Variants in KIR3DL1 observed in about 807,000 individuals in gnomAD.
KIR3DL1 encodes killer cell immunoglobulin like receptor, three Ig domains and long cytoplasmic tail 1, also known as killer cell immunoglobulin-like receptor 3DL1.
A neutral mutation model predicts 40.3 loss-of-function variants in KIR3DL1; 50 were observed. That is an observed-to-expected ratio of 1.24 (90% CI 0.99 to 1.57). The LOEUF (loss-of-function observed/expected upper bound fraction) is 1.57. Among genes scored for constraint, KIR3DL1 ranks in the 40% most tolerant of loss-of-function variants. The pLI is 0.00. For synonymous variants in KIR3DL1, 257 were observed against 207.2 expected (o/e 1.24, Z -2.07); for missense variants, 661 against 559.9 (o/e 1.18, Z -1.82).
rs768288884 is a variant in KIR3DL1 at position 54,817,577 on chromosome 19, C to A, written c.70+8C>A. On this transcript the variant is annotated splice_region_variant and intron_variant, in intron 2 of 8. Transcript: ENST00000391728. Reference sequence around the variant, plus strand: ...GGGCCGGTCCACACATGGGTGAGTCCTTCCCCAAACCTTAGGGTGTCATCT... The same window carrying A: ...GGGCCGGTCCACACATGGGTGAGTCATTCCCCAAACCTTAGGGTGTCATCT... 3.3e-6 allele frequency: 5 copies of A among 1,512,018 alleles called. No homozygotes were observed. The South Asian group carries it at 5.8e-5, about 17-fold the overall frequency. The allele number at this position is 1,512,018 out of a possible 1,614,324, so 93.7% of individuals were successfully genotyped here.
chr19:54,829,414 T>C, exon 7 of KIR3DL1: 1 of 1,504,844 alleles, frequency 6.6e-7, no homozygotes, highest in South Asian at 1.2e-5. Flanking sequence ...CATCATCCTC[T>C]TCATCCTCCT....
chr19:54,817,065 T>C (rs1240546500), intron 1 of KIR3DL1, among the ~76,000 whole-genome samples: 3 of 140,954 alleles, frequency 2.1e-5, no homozygotes, highest in Non-Finnish European at 4.6e-5. Context: ...AGTGGAGATA[T>C]GGGCCTGGGG....
At chr19:54,824,744 T>G (rs1423551277) in intron 5 of KIR3DL1, among the ~76,000 whole-genome samples, 1 of 149,932 alleles carries the variant, frequency 6.7e-6, no homozygotes, top group Non-Finnish European at 1.5e-5. Flanking sequence ...TTCTGTTTCA[T>G]TTTTTATGTG....
rs151145426 is a variant in KIR3DL1, at chr19:54,818,613, C to T, written c.355+14C>T. ...TCATGGTCACAGGTCAGAGGCTTTC[C>T]GTCTGGGCTTCTCACTGTCCCACCT... On this transcript the variant is annotated intron_variant, in intron 3 of 8. Transcript: ENST00000391728. 2.7e-3 allele frequency: 4,275 copies of T among 1,593,228 alleles called. 227 individuals are homozygous for T. The African/African-American group carries it at 0.049, about 18-fold the overall frequency.
At chr19:54,816,783 G>T (rs2061358398) in intron 1 of KIR3DL1, among the ~76,000 whole-genome samples, 1 of 122,314 alleles carries the variant, frequency 8.2e-6, no homozygotes, top group Admixed American at 8.1e-5. Context: ...TATGTGCCTG[G>T]GGTGGAGAGA....
At chr19:54,827,388 C>G (rs1419521647) in intron 6 of KIR3DL1, among the ~76,000 whole-genome samples, 2 of 150,316 alleles carry the variant, frequency 1.3e-5, no homozygotes, top group Non-Finnish European at 2.9e-5. Flanking sequence ...GTCAGGAGTT[C>G]GAGACCAGCC....
Position 54,827,832 on chromosome 19 carries a change from A to C in KIR3DL1, c.1001-1529A>C, listed in dbSNP as rs886844454. On this transcript the variant is annotated intron_variant, in intron 6 of 8. Coordinates refer to ENST00000391728, the Ensembl canonical transcript of KIR3DL1. ...AAAGCCCGCTGAATCCTCCAGCACA[A>C]ATCCTGGAATAGAGAAAGTGCTCTG... Among the ~76,000 whole-genome samples, 3 of 149,298 alleles carry C rather than the reference A, an allele frequency of 2.0e-5. No individual in the cohort carries two copies. In the East Asian group the frequency reaches 5.8e-4, roughly 29 times the overall value.
At chr19:54,827,034 A>T (rs1177964494) in intron 6 of KIR3DL1, among the ~76,000 whole-genome samples, 1 of 151,736 alleles carries the variant, frequency 6.6e-6, no homozygotes, top group Admixed American at 6.6e-5. Context: ...GGAATCTAGG[A>T]GACAGTGGAA....
intron 3 of KIR3DL1, 145 bp from the exon 4 acceptor site, chr19:54,819,567 CA>C: frequency 1.0e-6 from 1 of 972,286 alleles, no homozygotes; most frequent in Non-Finnish European, 1.5e-6. Context: ...GCACCTGCAC[CA>C]GGGGATATGG....
At position 54,820,898 on chromosome 19, in the gene KIR3DL1, G is replaced by C. The variant is rs1289319201; in HGVS notation, c.656-667G>C. ...AGAAAGACAAGGAGACGGAGAGAGA[G>C]AGATGATAGATGGATAGATAGACGT... On this transcript the variant is annotated intron_variant, in intron 4 of 8. Coordinates refer to ENST00000391728, the Ensembl canonical transcript of KIR3DL1. 1.7e-4 allele frequency among the ~76,000 whole-genome samples: 26 copies of C among 151,344 alleles called. No homozygotes were observed. In the South Asian group the frequency reaches 2.3e-3, roughly 14 times the overall value.
chr19:54,830,320 C>T (rs2062158740), exon 9 of KIR3DL1: 2 of 1,502,248 alleles, frequency 1.3e-6, no homozygotes, highest in African/African-American at 1.4e-5. Context: ...GAGACAACAG[C>T]CCTGTCTCAA....
chr19:54,828,748 T>G (rs1296791518), intron 6 of KIR3DL1, among the ~76,000 whole-genome samples: 1 of 146,412 alleles, frequency 6.8e-6, no homozygotes, highest in Non-Finnish European at 1.5e-5. Context: ...TTTGTTGCTC[T>G]AAAGGAACAC....
At chr19:54,822,421 T>G (rs1478617700) in intron 5 of KIR3DL1, among the ~76,000 whole-genome samples, 2 of 151,036 alleles carry the variant, frequency 1.3e-5, no homozygotes, top group Non-Finnish European at 2.9e-5. Flanking sequence ...GATCAGGAAC[T>G]CGAGATCACC....
At chr19:54,818,453 T>C in exon 3 of KIR3DL1, 1 of 1,608,046 alleles carries the variant, frequency 6.2e-7, no homozygotes, top group South Asian at 1.1e-5. Context: ...CACATTCCCA[T>C]CTTCCATGGC....
At chr19:54,817,692 GC>G in intron 2 of KIR3DL1, 123 bp downstream of exon 2, 1 of 795,728 alleles carries the variant, frequency 1.3e-6, no homozygotes, top group Non-Finnish European at 2.0e-6. Flanking sequence ...CGGATGCTCG[GC>G]CCACATTTCT....
chr19:54,818,087 A>G lies in KIR3DL1; in HGVS notation c.71-228A>G, dbSNP rs1391183851. On this transcript the variant is annotated intron_variant, in intron 2 of 8. Transcript: ENST00000391728. ...TGTTTTATATGAGTAATTTTGCAGT[A>G]TTAAAATCTAGTAAGAGTTGCTTCT... Among the ~76,000 whole-genome samples, 5 of 130,524 alleles carry G rather than the reference A, an allele frequency of 3.8e-5. 2 individuals carry two copies. In the South Asian group the frequency reaches 1.1e-3, roughly 28 times the overall value. The allele number at this position is 130,524 out of a possible 152,430, so 85.6% of individuals were successfully genotyped here.
Position 54,828,977 on chromosome 19 carries a change from T to G in KIR3DL1, c.1001-384T>G, listed in dbSNP as rs1268420490. ...AGCAATGGAGCTTCCAAGCTCTTTT[T>G]AACAACCAGCTCTCCAGGAACTAAT... On this transcript the variant is annotated intron_variant, in intron 6 of 8. Coordinates refer to ENST00000391728, the Ensembl canonical transcript of KIR3DL1. Among the ~76,000 whole-genome samples the G allele has an allele frequency of 6.8e-3, 838 of 122,676 alleles. 2 individuals are homozygous for G. The highest frequency in any genetic ancestry group is 0.017 in the South Asian group (51 of 3,008). The allele number at this position is 122,676 out of a possible 152,430, so 80.5% of individuals were successfully genotyped here. A position where few individuals can be genotyped will look rare whatever the true frequency, so the allele number is the denominator to read the frequency against.
rs200481001 is a variant in KIR3DL1 at position 54,821,723 on chromosome 19, G to T, written c.814G>T (p.Val272Phe). 14 of 1,608,766 alleles carry T rather than the reference G, an allele frequency of 8.7e-6. 1 individual carries two copies. Among genetic ancestry groups the T allele is most frequent in the African/African-American group, 1.3e-5 (1 of 74,224 alleles). The change falls in exon 5 of 9, where the codon GTC becomes TTC. Residue 272 changes from valine (V) to phenylalanine (F), a missense_variant. Transcript: ENST00000391728. ...ACGTAGGCTCCCTGCAGTGCGCAAG[G>T]TCAACAGAACATTCCAGGCAGATTT...
chr19:54,828,651 CG>C (rs2062033976), intron 6 of KIR3DL1, among the ~76,000 whole-genome samples: 1 of 150,018 alleles, frequency 6.7e-6, no homozygotes, highest in African/African-American at 2.5e-5. Flanking sequence ...CACTGCATGA[CG>C]TCCTCCTCCA....
Sources: gnomAD v4.1 joint callset for allele counts (sites outside exome capture counted in the v4.1 genomes callset) on GRCh38, gnomAD v4.1.1 for gene constraint, MANE v1.5 for transcripts, NCBI Gene and HGNC (gene_info 2026-07-23, HGNC 2026-07-21) for gene names.